PHF3: variants seen among roughly 807,000 people sequenced by gnomAD.
PHF3 encodes the protein PHD finger protein 3.
In PHF3, 41 loss-of-function variants were observed where a neutral mutation model predicts 178.4. The ratio of observed to expected loss-of-function variants is 0.23; its 90% confidence interval spans 0.18 to 0.30. The LOEUF (loss-of-function observed/expected upper bound fraction) is 0.30. Among genes scored for constraint, PHF3 ranks in the 10% least tolerant of loss-of-function variants. PHF3 has a pLI of 1.00. For missense variants in PHF3, 2,346 were observed against 2,398.1 expected, an observed-to-expected ratio of 0.98 and a Z score of 0.45; for synonymous variants, 842 against 800.5, an observed-to-expected ratio of 1.05 and a Z score of -0.88.
chr6:63,671,741 GTTGTTTTGTT>G (rs764669643), intron 2 of PHF3, among the ~76,000 whole-genome samples: 1 of 152,038 alleles, frequency 6.6e-6, no homozygotes, highest in East Asian at 1.9e-4. Context: ...CATATTTACA[GTTGTTTTGTT>G]TTGTTTTGTT....
At chr6:63,707,268 T>C (rs1767734953) in intron 13 of PHF3, among the ~76,000 whole-genome samples, 1 of 152,220 alleles carries the variant, frequency 6.6e-6, no homozygotes, top group South Asian at 2.1e-4. Flanking sequence ...CCCCACTGCT[T>C]ATGTTTCCCC....
intron 2 of PHF3, among the ~76,000 whole-genome samples, chr6:63,668,302 T>TTA (rs1765764346): frequency 1.3e-5 from 2 of 152,186 alleles, no homozygotes; most frequent in Non-Finnish European, 2.9e-5. Flanking sequence ...TCACTGCTAA[T>TTA]GCCAGAGGTG....
chr6:63,659,928 A>G (rs556899956), intron 2 of PHF3, among the ~76,000 whole-genome samples: 3 of 152,262 alleles, frequency 2.0e-5, no homozygotes, highest in South Asian at 4.2e-4. Flanking sequence ...CAATCATTCT[A>G]AATTTTTTTT....
intron 2 of PHF3, among the ~76,000 whole-genome samples, chr6:63,662,561 A>G (rs1306893710): frequency 1.3e-5 from 2 of 151,976 alleles, no homozygotes; most frequent in Admixed American, 6.6e-5. Context: ...TTTCCCTTCC[A>G]TATTTATTGC....
intron 2 of PHF3, among the ~76,000 whole-genome samples, chr6:63,656,889 G>C (rs1231708800): frequency 6.6e-6 from 1 of 152,112 alleles, no homozygotes; most frequent in Non-Finnish European, 1.5e-5. Context: ...CTTATATAAG[G>C]CTTGCTGCAT....
Position 63,709,256 on chromosome 6 carries a change from T to C in PHF3, c.3801+16T>C. The C allele has an allele frequency of 2.7e-6, 4 of 1,472,530 alleles. No individual in the cohort carries two copies. The highest frequency in any genetic ancestry group is 3.8e-6 in the Non-Finnish European group (4 of 1,053,306). 91.2% of individuals were successfully genotyped at this position (1,472,530 alleles called of 1,614,324 possible). A position where few individuals can be genotyped will look rare whatever the true frequency, so the allele number is the denominator to read the frequency against. The stretch of plus-strand genomic sequence containing the variant: ...AGGAACCAAGGTGAGGAAAACTTTT[T>C]TCACTATACCAGCATGGGAAAATGT... On this transcript the variant is annotated intron_variant, in intron 14 of 15. Coordinates refer to ENST00000262043, the MANE Select transcript of PHF3 (RefSeq NM_001370348.2).
chr6:63,645,362 C>G (rs1171895724), intron 1 of PHF3, among the ~76,000 whole-genome samples: 2 of 151,874 alleles, frequency 1.3e-5, no homozygotes, highest in African/African-American at 4.8e-5. Context: ...TTAAATAATG[C>G]GAGGATGTTA....
chr6:63,637,467 T>C (rs116429785), intron 1 of PHF3, among the ~76,000 whole-genome samples: 1,824 of 152,372 alleles, frequency 0.012, 31 homozygotes, highest in African/African-American at 0.042. Context: ...AGCATACTTA[T>C]GTTTTTGAAT....
chr6:63,662,298 C>T (rs528154897), intron 2 of PHF3, among the ~76,000 whole-genome samples: 1 of 152,120 alleles, frequency 6.6e-6, no homozygotes, highest in Non-Finnish European at 1.5e-5. Context: ...CTTAAATAGA[C>T]AGGAGAAGCT....
Position 63,721,483 on chromosome 6 carries a change from G to A in PHF3, c.*7775G>A. ...AATTCTTGATTATTTATGATAACTT[G>A]TCGGATACAGCCTTGAAAACCTACA... On this transcript the variant is annotated 3_prime_UTR_variant, in exon 16 of 16. Transcript: ENST00000262043. 6.4e-7 allele frequency: 1 copy of A among 1,551,462 alleles called. No homozygotes were observed. The highest frequency in any genetic ancestry group is 8.7e-7 in the Non-Finnish European group (1 of 1,146,812).
rs188654559 is a variant in PHF3, at chr6:63,717,914, C to T, written c.*4206C>T. On this transcript the variant is annotated 3_prime_UTR_variant, in exon 16 of 16. Transcript: ENST00000262043. ...TTATTTTTAAAAAATGTTCCGTTTACATTCAACACTTTGAGAAACCTCATA... is the reference window on the plus strand; with the variant it reads ...TTATTTTTAAAAAATGTTCCGTTTATATTCAACACTTTGAGAAACCTCATA... 1.3e-5 allele frequency among the ~76,000 whole-genome samples: 2 copies of T among 152,064 alleles called. No homozygotes were observed. The highest frequency in any genetic ancestry group is 2.9e-5 in the Non-Finnish European group (2 of 67,922).
chr6:63,713,114 T>A lies in PHF3; in HGVS notation c.5526T>A (p.Pro1842=), dbSNP rs1768035583. The A allele has an allele frequency of 6.2e-7, 1 of 1,613,836 alleles. No individual in the cohort carries two copies. The highest frequency in any genetic ancestry group is 1.1e-5 in the South Asian group (1 of 91,074). The change falls in exon 16 of 16, where the codon CCT becomes CCA. Residue 1842 remains proline (P), a synonymous_variant. Coordinates refer to ENST00000262043, the MANE Select transcript of PHF3 (RefSeq NM_001370348.2). ...PPHLPPPLLP[P]PGFGFAQNPM... is the part of the protein sequence containing the mutation. ...ATTTGCCACCTCCATTACTTCCCCC[T>A]CCAGGCTTTGGCTTTGCTCAAAATC...
At chr6:63,644,548 T>C (rs1203450964) in intron 1 of PHF3, among the ~76,000 whole-genome samples, 1 of 152,168 alleles carries the variant, frequency 6.6e-6, no homozygotes, top group African/African-American at 2.4e-5. Flanking sequence ...TTTCTGTCAG[T>C]TGAGAGAATG....
chr6:63,682,122 C>T (rs1766464593), intron 3 of PHF3, among the ~76,000 whole-genome samples: 1 of 152,124 alleles, frequency 6.6e-6, no homozygotes, highest in Non-Finnish European at 1.5e-5. Context: ...GCCTAGAAAC[C>T]TTGCTTTACT....
At chr6:63,670,796 A>G (rs919946464) in intron 2 of PHF3, among the ~76,000 whole-genome samples, 1 of 152,246 alleles carries the variant, frequency 6.6e-6, no homozygotes, top group African/African-American at 2.4e-5. Flanking sequence ...CAAAAGAATA[A>G]CAAATTCCTG....
chr6:63,656,883 T>C (rs561068651), intron 2 of PHF3, among the ~76,000 whole-genome samples: 7 of 152,230 alleles, frequency 4.6e-5, no homozygotes, highest in South Asian at 2.1e-4. Context: ...CTGATACTTA[T>C]ATAAGGCTTG....
At chr6:63,640,050 GCAGA>G (rs1764507296) in intron 1 of PHF3, among the ~76,000 whole-genome samples, 1 of 152,178 alleles carries the variant, frequency 6.6e-6, no homozygotes, top group Non-Finnish European at 1.5e-5. Flanking sequence ...TCTTTGTGCA[GCAGA>G]CACTTTGATA....
chr6:63,646,868 T>G (rs1764811285), intron 2 of PHF3, 73 bp downstream of exon 2: 1 of 1,107,296 alleles, frequency 9.0e-7, no homozygotes, highest in Non-Finnish European at 1.2e-6. Context: ...AGCAGCTTTT[T>G]CTTTTTTCTT....
chr6:63,649,719 C>G (rs1764943609), intron 2 of PHF3, among the ~76,000 whole-genome samples: 2 of 152,324 alleles, frequency 1.3e-5, no homozygotes, highest in Admixed American at 1.3e-4. Context: ...AAGCAGCCAG[C>G]TTTCTTCTTT....
Sources: gnomAD v4.1 joint callset for allele counts (sites outside exome capture counted in the v4.1 genomes callset) on GRCh38, gnomAD v4.1.1 for gene constraint, MANE v1.5 for transcripts, NCBI Gene and HGNC (gene_info 2026-07-23, HGNC 2026-07-21) for gene names.